Variants in SUCO observed in about 807,000 individuals in gnomAD.
SUCO encodes SUN domain-containing ossification factor.
A neutral mutation model predicts 148.1 loss-of-function variants in SUCO; 57 were observed. That is an observed-to-expected ratio of 0.38 (90% CI 0.31 to 0.48). The LOEUF is 0.48. Among genes scored for constraint, SUCO ranks in the 20% least tolerant of loss-of-function variants. SUCO has a pLI of 0.96. For synonymous variants in SUCO, 470 were observed against 502.7 expected (o/e 0.93, Z 0.87); for missense variants, 1,331 against 1,468.2 (o/e 0.91, Z 1.53).
At chr1:172,608,974 A>C (rs1223141866) in intron 23 of SUCO, among the ~76,000 whole-genome samples, 172 bp downstream of exon 23, 1 of 152,118 alleles carries the variant, frequency 6.6e-6, no homozygotes, top group Non-Finnish European at 1.5e-5. Context: ...GCTGTGACCC[A>C]CAGGCCATAT....
intron 1 of SUCO, chr1:172,544,317 G>A (rs954748548): frequency 5.8e-6 from 1 of 172,572 alleles, no homozygotes; most frequent in African/African-American, 2.4e-5. Flanking sequence ...ATAGTTCAAA[G>A]TAGGAGCTCA....
intron 19 of SUCO, among the ~76,000 whole-genome samples, chr1:172,596,257 C>A (rs1657090063): frequency 6.6e-6 from 1 of 152,102 alleles, no homozygotes; most frequent in East Asian, 1.9e-4. Flanking sequence ...TTTGTTATTA[C>A]CAGTTGTCTG....
chr1:172,564,605 C>CTT (rs57265081), intron 6 of SUCO, among the ~76,000 whole-genome samples: 1 of 144,562 alleles, frequency 6.9e-6, no homozygotes. Flanking sequence ...TTCAGTTAAA[C>CTT]TTTTTTTTTT....
At position 172,557,296 on chromosome 1, in the gene SUCO, G is replaced by C; in HGVS notation, c.460G>C (p.Gly154Arg). 1 of 1,612,702 alleles carries C rather than the reference G, an allele frequency of 6.2e-7. No homozygotes were observed. The part of the protein sequence containing the change: ...ISKLDEIEKS[G>R]TIPIAKPSET... The stretch of plus-strand genomic sequence containing the variant: ...TTTTTTTAGTGAAATAGAAAAATCT[G>C]GTACTATTCCGATAGCCAAACCAAG... The change falls in exon 5 of 24, where the codon GGT (glycine) becomes CGT (arginine). Residue 154 changes from glycine (G) to arginine (R), a missense_variant. By Grantham distance (125) the Gly-to-Arg change is moderately radical. Transcript: ENST00000263688.
At position 172,551,592 on chromosome 1, in the gene SUCO, C is replaced by T. The variant is rs754704496; in HGVS notation, c.143C>T (p.Ala48Val). Reference sequence around the variant, plus strand: ...TATTACTCTCAAGATGACAACTGCGCACTAGAAAATGAAGATGTACAATTC... The same window carrying T: ...TATTACTCTCAAGATGACAACTGCGTACTAGAAAATGAAGATGTACAATTC... The part of the protein sequence containing the change: ...SSYYSQDDNC[A>V]LENEDVQFQK... The change falls in exon 2 of 24, where the codon GCA (alanine) becomes GTA (valine). Residue 48 changes from alanine to valine, a missense_variant. Physicochemically the swap from Ala to Val is moderately conservative, Grantham distance 64 (BLOSUM62 0). Around this residue, in one of 3 missense-constraint regions of SUCO, gnomAD observed 992 missense variants for 1,093.5 expected, o/e 0.91. Coordinates refer to ENST00000263688, the MANE Select transcript of SUCO (RefSeq NM_014283.5). 3 of 1,608,334 alleles carry T rather than the reference C, an allele frequency of 1.9e-6. No homozygotes were observed. Among genetic ancestry groups the T allele is most frequent in the Non-Finnish European group, 2.5e-6 (3 of 1,176,934 alleles).
intron 1 of SUCO, 128 bp from the exon 2 acceptor site, chr1:172,551,384 G>A (rs1653284085): frequency 1.9e-6 from 1 of 536,412 alleles, no homozygotes. Context: ...AAGGTATTAG[G>A]ATAGGAACCA....
chr1:172,602,248 A>T (rs199817109), intron 21 of SUCO, 30 bp downstream of exon 21: 3 of 1,539,258 alleles, frequency 1.9e-6, no homozygotes, highest in Non-Finnish European at 2.6e-6. Context: ...TCACAATTTT[A>T]TTTTTTTTAC....
chr1:172,572,186 C>T (rs540041071), intron 9 of SUCO, among the ~76,000 whole-genome samples: 197 of 143,506 alleles, frequency 1.4e-3, no homozygotes, highest in Admixed American at 9.7e-3. Flanking sequence ...GCCACCACCC[C>T]GTTTGGGAGG....
intron 9 of SUCO, among the ~76,000 whole-genome samples, chr1:172,572,571 G>A (rs995565665): frequency 2.0e-5 from 3 of 151,942 alleles, no homozygotes; most frequent in South Asian, 4.2e-4. Context: ...GCGGAAGGCC[G>A]CAGGGTCCTC....
intron 8 of SUCO, 115 bp from the exon 9 acceptor site, chr1:172,570,548 C>T: frequency 1.4e-6 from 1 of 713,218 alleles, no homozygotes; most frequent in Non-Finnish European, 2.4e-6. Context: ...GTTTTAAAGT[C>T]TTAGGTGTAC....
chr1:172,581,295 G>A (rs1041749801), intron 15 of SUCO, among the ~76,000 whole-genome samples: 2 of 152,134 alleles, frequency 1.3e-5, no homozygotes, highest in African/African-American at 4.8e-5. Flanking sequence ...GGAGGGCAAG[G>A]TTATCTTCCA....
rs375515983 is a variant in SUCO, at chr1:172,555,319, C to A, written c.289-550C>A. Reference sequence around the variant, plus strand: ...AGGGTTGATCTTGGAGGAGGAGGTGCTGATAGAGGTTTTCAAATATGAACA... The same window carrying A: ...AGGGTTGATCTTGGAGGAGGAGGTGATGATAGAGGTTTTCAAATATGAACA... On this transcript the variant is annotated intron_variant, in intron 3 of 23. Transcript: ENST00000263688. The A allele has an allele frequency of 1.4e-5, 12 of 878,132 alleles. No homozygotes were observed. In the East Asian group the frequency reaches 1.3e-3, roughly 98 times the overall value. The allele number at this position is 878,132 out of a possible 1,614,324, so 54.4% of individuals were successfully genotyped here.
In SUCO at chr1:172,577,814, T is replaced by C; in HGVS notation, c.1335T>C (p.Leu445=). 6 of 1,608,598 alleles carry C rather than the reference T, an allele frequency of 3.7e-6. No homozygotes were observed. Among genetic ancestry groups the C allele is most frequent in the Non-Finnish European group, 5.1e-6 (6 of 1,176,522 alleles). ...FGSEHFCPLS[L]IRVFGTSMVE... is the part of the protein sequence containing the mutation. ...CAGAGCACTTTTGTCCATTAAGCCT[T>C]ATAAGGTAATGCAGAACAAAATACA... The change falls in exon 13 of 24, where the codon CTT becomes CTC. Residue 445 remains leucine (L), a synonymous_variant. Transcript: ENST00000263688.
chr1:172,608,737 T>A lies in SUCO; in HGVS notation c.3266-10T>A, dbSNP rs2149275191. 7 of 1,556,250 alleles carry A rather than the reference T, an allele frequency of 4.5e-6. No individual in the cohort carries two copies. Among genetic ancestry groups the A allele is most frequent in the Non-Finnish European group, 6.1e-6 (7 of 1,141,498 alleles). ...ATTTTACATCTGCTTTTTTTTTTTT[T>A]TACTTACAGTAGACCCAAATGATTT... On this transcript the variant is annotated splice_polypyrimidine_tract_variant and intron_variant, in intron 22 of 23. Coordinates refer to ENST00000263688, the MANE Select transcript of SUCO (RefSeq NM_014283.5).
intron 1 of SUCO, chr1:172,542,955 G>T: frequency 1.0e-6 from 1 of 985,312 alleles, no homozygotes; most frequent in South Asian, 4.7e-5. Context: ...TTTTGGGAGT[G>T]GAGAATAATA....
chr1:172,562,315 T>C (rs1275717123), intron 6 of SUCO, among the ~76,000 whole-genome samples: 1 of 151,378 alleles, frequency 6.6e-6, no homozygotes, highest in Admixed American at 6.6e-5. Context: ...TTTAAGAAAA[T>C]TGGGTTTTAA....
At position 172,602,926 on chromosome 1, in the gene SUCO, G is replaced by A. The variant is rs184529989; in HGVS notation, c.3265+139G>A. On this transcript the variant is annotated intron_variant, in intron 22 of 23. Coordinates refer to ENST00000263688, the MANE Select transcript of SUCO (RefSeq NM_014283.5). ...AGCCTTTGTCTTTGTGCTGTGTCAA[G>A]CCACTTTATCATTTTCACATTTTAT... 1.7e-4 allele frequency: 119 copies of A among 693,102 alleles called. 1 individual carries two copies. In the Admixed American group the frequency reaches 3.0e-3, roughly 18 times the overall value. 42.9% of individuals were successfully genotyped at this position (693,102 alleles called of 1,614,324 possible). A position where few individuals can be genotyped will look rare whatever the true frequency, so the allele number is the denominator to read the frequency against.
intron 15 of SUCO, among the ~76,000 whole-genome samples, chr1:172,581,978 T>A (rs1655912636): frequency 6.6e-6 from 1 of 152,256 alleles, no homozygotes; most frequent in Non-Finnish European, 1.5e-5. Context: ...TATGGCTTCC[T>A]GATTCTTTTG....
At chr1:172,564,823 CTT>C (rs1211665361) in intron 6 of SUCO, among the ~76,000 whole-genome samples, 3 of 152,150 alleles carry the variant, frequency 2.0e-5, no homozygotes, top group Non-Finnish European at 4.4e-5. Flanking sequence ...CCATAACATT[CTT>C]TATGTCTCTC....
Sources: gnomAD v4.1 joint callset for allele counts (sites outside exome capture counted in the v4.1 genomes callset) on GRCh38, gnomAD v4.1.1 for gene constraint, gnomAD v4.1.1 regional missense constraint, MANE v1.5 for transcripts, NCBI Gene and HGNC (gene_info 2026-07-23, HGNC 2026-07-21) for gene names.